NSD3: variants seen among roughly 807,000 people sequenced by gnomAD.
NSD3 encodes nuclear receptor binding SET domain protein 3.
In NSD3, 24 loss-of-function variants were observed where a neutral mutation model predicts 160.8. That is an observed-to-expected ratio of 0.15 (90% CI 0.11 to 0.21). The LOEUF (loss-of-function observed/expected upper bound fraction) is 0.21. Ranked by LOEUF, NSD3 falls within the 10% of genes least tolerant of loss-of-function variation. The pLI, the probability that NSD3 is intolerant of heterozygous loss-of-function variation, is 1.00. For synonymous variants in NSD3, 520 were observed against 600.0 expected (o/e 0.87, Z 1.95); for missense variants, 1,157 against 1,735.9 (o/e 0.67, Z 5.93).
In NSD3 at chr8:38,317,139, T is replaced by C. The variant is rs1235240258; in HGVS notation, c.1856-1097A>G. The C allele has an allele frequency of 2.0e-5, 21 of 1,062,538 alleles. No individual in the cohort carries two copies. The highest frequency in any genetic ancestry group is 2.4e-5 in the Non-Finnish European group (21 of 877,584). The allele number at this position is 1,062,538 out of a possible 1,614,324, so 65.8% of individuals were successfully genotyped here. A position where few individuals can be genotyped will look rare whatever the true frequency, so the allele number is the denominator to read the frequency against. The stretch of plus-strand genomic sequence containing the variant: ...CCATGAAGATCCGCAACAGGCTGAG[T>C]GAGAGTAGCACTTGGAACATAGCCA... On this transcript the variant is annotated intron_variant, in intron 9 of 23. Transcript: ENST00000317025. This position sits in a 1 kb window ranked among gnomAD's most constrained non-coding sequence, Gnocchi z 5.3.
At chr8:38,338,641 T>TGGCATTAAATA in intron 2 of NSD3, 34 bp from the exon 3 acceptor site, 1 of 1,527,988 alleles carries the variant, frequency 6.5e-7, no homozygotes, top group Non-Finnish European at 9.0e-7. Flanking sequence ...TAGAATAAAA[T>TGGCATTAAATA]GGCATTAAAT....
Position 38,273,957 on chromosome 8 carries a change from GA to G in NSD3, c.*1683del, listed in dbSNP as rs1808543107. Reference sequence around the variant, plus strand: ...ATTGCACATTTACATACAAAAAAAAGAGGCACAAAACAGATTTTCACCCTCT... The same window carrying G: ...ATTGCACATTTACATACAAAAAAAAGGGCACAAAACAGATTTTCACCCTCT... On this transcript the variant is annotated 3_prime_UTR_variant, in exon 24 of 24. Transcript: ENST00000317025. 4.6e-5 allele frequency: 7 copies of G among 152,202 alleles called. No individual in the cohort carries two copies. The South Asian group carries it at 1.5e-3, about 32-fold the overall frequency. 9.4% of individuals were successfully genotyped at this position (152,202 alleles called of 1,614,324 possible).
chr8:38,346,418 A>G (rs954798934), intron 2 of NSD3, among the ~76,000 whole-genome samples: 10 of 148,292 alleles, frequency 6.7e-5, no homozygotes, highest in East Asian at 1.9e-4. Context: ...ATATATGTGT[A>G]TATATATATG....
intron 14 of NSD3, among the ~76,000 whole-genome samples, chr8:38,300,621 G>A (rs1809255600): frequency 6.6e-6 from 1 of 152,126 alleles, no homozygotes; most frequent in Non-Finnish European, 1.5e-5. Context: ...TATGCTACTT[G>A]GAGGAAAACA....
chr8:38,314,537 G>A, intron 12 of NSD3, 110 bp downstream of exon 12: 1 of 1,451,698 alleles, frequency 6.9e-7, no homozygotes, highest in Non-Finnish European at 9.3e-7. Context: ...AAGAGAGGAG[G>A]AGGGCTAATA....
At chr8:38,360,921 A>G (rs1810944840) in intron 1 of NSD3, among the ~76,000 whole-genome samples, 1 of 152,260 alleles carries the variant, frequency 6.6e-6, no homozygotes, top group Non-Finnish European at 1.5e-5. Flanking sequence ...CTCAAGATGT[A>G]TCAACAGAAG....
chr8:38,276,488 A>C lies in NSD3; in HGVS notation c.3880T>G (p.Ser1294Ala), dbSNP rs370192326. The change falls in exon 23 of 24, where the codon TCA (serine) becomes GCA (alanine). Residue 1294 changes from serine (S) to alanine (A), a missense_variant. By Grantham distance (99) the Ser-to-Ala change is moderately conservative (BLOSUM62 1). This residue lies in a region of NSD3 where 222 missense variants were observed against 409.9 expected (regional missense o/e 0.54). Transcript: ENST00000317025. Reference protein sequence around the residue: ...LGVRPKSACASTNEEKAKNAK... With the variant: ...LGVRPKSACAATNEEKAKNAK... ...TTTTTTGCCTTCTCTTCATTTGTTG[A>C]CGCACATGCCGACTGGCAGGAAAGA... The C allele has an allele frequency of 2.5e-6, 4 of 1,614,052 alleles. No homozygotes were observed. The African/African-American group carries it at 5.3e-5, about 22-fold the overall frequency.
chr8:38,275,738 G>A lies in NSD3; in HGVS notation c.4217C>T (p.Ser1406Leu), dbSNP rs752697109. ...PSALEGRLCC[S>L]EHDPMAPVSP... Reference sequence around the variant, plus strand: ...CACAGGAGCCATGGGGTCATGTTCCGAGCAGCAGAGGCGGCCTTCCAGTGC... The same window carrying A: ...CACAGGAGCCATGGGGTCATGTTCCAAGCAGCAGAGGCGGCCTTCCAGTGC... The change falls in exon 24 of 24, where the codon TCG becomes TTG. Residue 1406 changes from serine to leucine, a missense_variant. Physicochemically the swap from Ser to Leu is moderately radical, Grantham distance 145. Around this residue, in one of 10 missense-constraint regions of NSD3, gnomAD observed 222 missense variants for 409.9 expected, o/e 0.54. Transcript: ENST00000317025. 8.7e-6 allele frequency: 14 copies of A among 1,613,992 alleles called. No homozygotes were observed. The highest frequency in any genetic ancestry group is 5.0e-5 in the Admixed American group (3 of 59,992).
intron 1 of NSD3, among the ~76,000 whole-genome samples, chr8:38,353,487 G>T (rs867790296): frequency 1.8e-4 from 27 of 152,198 alleles, no homozygotes; most frequent in Non-Finnish European, 2.6e-4. Context: ...TCAGCTTCCA[G>T]ATTCGCCTCC....
In NSD3 at chr8:38,317,613, T is replaced by C. The variant is rs897303195; in HGVS notation, c.1855+1282A>G. ...TTGTAATGTATACAGTTTGGGCTGT[T>C]TGGCAAACCCCTGCAGATGTGCATT... On this transcript the variant is annotated intron_variant, in intron 9 of 23. Transcript: ENST00000317025. The surrounding 1 kb of genome is among the most constrained non-coding windows in gnomAD (Gnocchi z 5.3). 5.3e-6 allele frequency: 6 copies of C among 1,131,380 alleles called. No individual in the cohort carries two copies. The South Asian group carries it at 1.2e-4, about 23-fold the overall frequency. 70.1% of individuals were successfully genotyped at this position (1,131,380 alleles called of 1,614,324 possible).
Position 38,316,769 on chromosome 8 carries a change from GAAAT to G in NSD3, c.1856-731_1856-728del. ...CCTCTATGTGGAATTTGTGCGGGAA[GAAAT>G]AAATAGGAAAAAAAAGGCAGAGAAT... On this transcript the variant is annotated intron_variant, in intron 9 of 23. Transcript: ENST00000317025. The surrounding 1 kb of genome is among the most constrained non-coding windows in gnomAD (Gnocchi z 4.5). 9.4e-7 allele frequency: 1 copy of G among 1,058,828 alleles called. No individual in the cohort carries two copies. The highest frequency in any genetic ancestry group is 1.1e-6 in the Non-Finnish European group (1 of 875,266). 65.6% of individuals were successfully genotyped at this position (1,058,828 alleles called of 1,614,324 possible).
chr8:38,373,934 CAAAAAAAAAAA>C (rs61532119), intron 1 of NSD3, among the ~76,000 whole-genome samples: 4 of 25,146 alleles, frequency 1.6e-4, no homozygotes, highest in Admixed American at 8.7e-4. Flanking sequence ...TCTGTCTCTA[CAAAAAAAAAAA>C]AAAAAAAAAA....
chr8:38,271,006 T>C lies in NSD3; in HGVS notation c.*4635A>G, dbSNP rs1808452750. The stretch of plus-strand genomic sequence containing the variant: ...AGTGCAATTTTTTGTTTTGTTTTTT[T>C]CCCTACATAGACATAGTAAAAGGAA... On this transcript the variant is annotated 3_prime_UTR_variant, in exon 24 of 24. Coordinates refer to ENST00000317025, the MANE Select transcript of NSD3 (RefSeq NM_023034.2). The C allele has an allele frequency of 1.3e-5, 2 of 152,204 alleles. No individual in the cohort carries two copies. The highest frequency in any genetic ancestry group is 1.3e-4 in the Admixed American group (2 of 15,274). 9.4% of individuals were successfully genotyped at this position (152,204 alleles called of 1,614,324 possible).
At chr8:38,376,895 A>G (rs1463624937) in intron 1 of NSD3, among the ~76,000 whole-genome samples, 1 of 152,224 alleles carries the variant, frequency 6.6e-6, no homozygotes, top group East Asian at 1.9e-4. Flanking sequence ...ACAGGCTATT[A>G]GGAACTTAAT....
chr8:38,316,304 C>T lies in NSD3; in HGVS notation c.1856-262G>A. 9 of 994,974 alleles carry T rather than the reference C, an allele frequency of 9.0e-6. No individual in the cohort carries two copies. The highest frequency in any genetic ancestry group is 1.1e-5 in the Non-Finnish European group (9 of 788,174). 61.6% of individuals were successfully genotyped at this position (994,974 alleles called of 1,614,324 possible). ...AGCTATTTTCAGTCAACAGAGCCCACGTTCCAACCTAAAAATCAATTCTAT... is the reference window on the plus strand; with the variant it reads ...AGCTATTTTCAGTCAACAGAGCCCATGTTCCAACCTAAAAATCAATTCTAT... On this transcript the variant is annotated intron_variant, in intron 9 of 23. Coordinates refer to ENST00000317025, the MANE Select transcript of NSD3 (RefSeq NM_023034.2). The surrounding 1 kb of genome is among the most constrained non-coding windows in gnomAD (Gnocchi z 4.5).
At chr8:38,355,987 A>C (rs949308805) in intron 1 of NSD3, among the ~76,000 whole-genome samples, 4 of 152,228 alleles carry the variant, frequency 2.6e-5, no homozygotes, top group African/African-American at 4.8e-5. Flanking sequence ...CTTAACAAGT[A>C]AGCTTACTTC....
chr8:38,300,732 A>C (rs577799248), intron 14 of NSD3, among the ~76,000 whole-genome samples: 9 of 152,204 alleles, frequency 5.9e-5, no homozygotes, highest in African/African-American at 2.2e-4. Context: ...CTGTGAGACC[A>C]GGGGACATTT....
chr8:38,373,072 GAAAA>G (rs1563372203), intron 1 of NSD3, among the ~76,000 whole-genome samples: 1 of 150,224 alleles, frequency 6.7e-6, no homozygotes, highest in Admixed American at 6.6e-5. Context: ...AAGAAAGAAA[GAAAA>G]AAAGAAAAAA....
intron 11 of NSD3, among the ~76,000 whole-genome samples, chr8:38,315,163 A>C (rs566476902): frequency 6.6e-6 from 1 of 152,198 alleles, no homozygotes; most frequent in Non-Finnish European, 1.5e-5. Flanking sequence ...TGAATTTAAG[A>C]AAGTTTTTCC....
Sources: gnomAD v4.1 joint callset for allele counts (sites outside exome capture counted in the v4.1 genomes callset) on GRCh38, gnomAD v4.1.1 for gene constraint, gnomAD v4.1.1 regional missense constraint, Gnocchi (gnomAD v3.1) non-coding constraint, MANE v1.5 for transcripts, NCBI Gene and HGNC (gene_info 2026-07-23, HGNC 2026-07-21) for gene names.